PAX8: variants seen among roughly 807,000 people sequenced by gnomAD.
PAX8 encodes the protein paired box protein Pax-8.
Under a neutral mutation model 52.4 loss-of-function variants are expected in PAX8, and 15 were observed. The ratio of observed to expected loss-of-function variants is 0.29; its 90% CI spans 0.19 to 0.44. The LOEUF (loss-of-function observed/expected upper bound fraction) is 0.44, where lower values mean the gene tolerates loss of function less well. Among genes scored for constraint, PAX8 ranks in the 20% least tolerant of loss-of-function variants. PAX8 has a pLI of 1.00. For synonymous variants in PAX8, 284 were observed against 249.7 expected (o/e 1.14, Z -1.29); for missense variants, 554 against 602.5 (o/e 0.92, Z 0.84).
chr2:113,260,300 T>C (rs543154280), intron 2 of PAX8, among the ~76,000 whole-genome samples: 30 of 152,200 alleles, frequency 2.0e-4, no homozygotes, highest in African/African-American at 7.0e-4. Flanking sequence ...TGTGGAGGTG[T>C]GTATATGGGT....
rs556572960 is a variant in PAX8 at position 113,261,600 on chromosome 2, G to A, written c.26-14681C>T. ...TGGCAGAGTTGCAAGGCACACTTCT[G>A]AGAGGATCCTTGACCAGGAAGGAGA... On this transcript the variant is annotated intron_variant, in intron 2 of 11. Coordinates refer to ENST00000429538, the MANE Select transcript of PAX8 (RefSeq NM_003466.4). 2.2e-4 allele frequency among the ~76,000 whole-genome samples: 33 copies of A among 152,330 alleles called. No homozygotes were observed. The South Asian group carries it at 3.9e-3, about 18-fold the overall frequency.
At chr2:113,219,980 C>T (rs1239798825) in intron 11 of PAX8, 112 bp downstream of exon 11, 2 of 714,200 alleles carry the variant, frequency 2.8e-6, no homozygotes, top group Non-Finnish European at 4.9e-6. Flanking sequence ...TCTCCCAGGC[C>T]CTCTGTATAA....
At chr2:113,257,361 A>G (rs1258591349) in intron 2 of PAX8, among the ~76,000 whole-genome samples, 1 of 152,094 alleles carries the variant, frequency 6.6e-6, no homozygotes. Flanking sequence ...TGGGGTGTCT[A>G]TGCTCTTTAA....
intron 2 of PAX8, 152 bp from the exon 3 acceptor site, chr2:113,247,071 T>A (rs1438376125): frequency 2.8e-6 from 2 of 725,700 alleles, no homozygotes; most frequent in African/African-American, 3.5e-5. Context: ...TCTGCACCCC[T>A]TCCCCAGTTC....
intron 10 of PAX8, among the ~76,000 whole-genome samples, chr2:113,222,920 T>C (rs1422438400): frequency 6.6e-6 from 1 of 151,870 alleles, no homozygotes. Flanking sequence ...CAGTCTTCTG[T>C]TTGCTTTGTA....
chr2:113,247,951 C>G lies in PAX8; in HGVS notation c.26-1032G>C, dbSNP rs79384152. 2.0e-5 allele frequency among the ~76,000 whole-genome samples: 3 copies of G among 152,256 alleles called. No individual in the cohort carries two copies. In the East Asian group the frequency reaches 5.8e-4, roughly 29 times the overall value. ...TGGGAACCACTGGAGGGGAACTTGA[C>G]TTGGCTCAAGGAAACACAGAAGGGT... On this transcript the variant is annotated intron_variant, in intron 2 of 11. Transcript: ENST00000429538.
intron 3 of PAX8, among the ~76,000 whole-genome samples, chr2:113,245,124 T>G (rs1691208039): frequency 6.6e-6 from 1 of 151,926 alleles, no homozygotes; most frequent in Non-Finnish European, 1.5e-5. Flanking sequence ...TTGGCTCACT[T>G]CAAACTCTGC....
intron 10 of PAX8, among the ~76,000 whole-genome samples, chr2:113,221,351 G>A (rs755085176): frequency 6.6e-6 from 1 of 152,186 alleles, no homozygotes; most frequent in Non-Finnish European, 1.5e-5. Context: ...ATGTGGTTCT[G>A]AGTCTCCTTC....
intron 10 of PAX8, among the ~76,000 whole-genome samples, chr2:113,223,986 A>G (rs1046788906): frequency 2.6e-5 from 4 of 152,190 alleles, no homozygotes; most frequent in Non-Finnish European, 5.9e-5. Flanking sequence ...GGATGGAAAG[A>G]TGGACAGATA....
intron 2 of PAX8, among the ~76,000 whole-genome samples, chr2:113,248,226 T>C (rs1174994336): frequency 1.3e-5 from 2 of 152,212 alleles, no homozygotes; most frequent in Admixed American, 1.3e-4. Flanking sequence ...AGTGCTCTGA[T>C]TTATATGACT....
At chr2:113,232,363 G>C (rs1038489938) in intron 9 of PAX8, among the ~76,000 whole-genome samples, 1 of 152,204 alleles carries the variant, frequency 6.6e-6, no homozygotes, top group African/African-American at 2.4e-5. Flanking sequence ...ACTCTTTTCA[G>C]AGCCTCTGCC....
At position 113,241,612 on chromosome 2, in the gene PAX8, G is replaced by C. The variant is rs1266130421; in HGVS notation, c.716C>G (p.Pro239Arg). The C allele has an allele frequency of 6.2e-7, 1 of 1,613,620 alleles. No individual in the cohort carries two copies. The highest frequency in any genetic ancestry group is 2.2e-5 in the East Asian group (1 of 44,896). Residue 239 changes from proline to arginine, a missense_variant, in exon 7 of 12, where the codon CCA (proline) becomes CGA (arginine). By Grantham distance (103) the Pro-to-Arg change is moderately radical (BLOSUM62 -2). Around this residue, in one of 2 missense-constraint regions of PAX8, gnomAD observed 445 missense variants for 409.9 expected, o/e 1.09. Transcript: ENST00000429538. Reference sequence around the variant, plus strand: ...CTCTGGGTAGTGCTGCCGCTCAAATGGGCACTCGAGCGGCTCGAGGTGGTG... The same window carrying C: ...CTCTGGGTAGTGCTGCCGCTCAAATCGGCACTCGAGCGGCTCGAGGTGGTG... Reference protein sequence around the residue: ...SQHHLEPLECPFERQHYPEAY... With the variant: ...SQHHLEPLECRFERQHYPEAY...
At chr2:113,266,553 A>C (rs976927734) in intron 2 of PAX8, 2 of 152,208 alleles carry the variant, frequency 1.3e-5, no homozygotes, top group Admixed American at 1.3e-4. Flanking sequence ...ATCATTTCAC[A>C]GAGTGGGGAG....
intron 1 of PAX8, 115 bp from the exon 2 acceptor site, chr2:113,278,584 AT>A: frequency 1.0e-6 from 1 of 1,001,524 alleles, no homozygotes; most frequent in Non-Finnish European, 1.5e-6. Context: ...GAGTAGGAGG[AT>A]TTTTAGGCGA....
At chr2:113,223,223 T>C (rs1369031355) in intron 10 of PAX8, among the ~76,000 whole-genome samples, 2 of 152,144 alleles carry the variant, frequency 1.3e-5, no homozygotes, top group Non-Finnish European at 2.9e-5. Context: ...TGGTCTGCCA[T>C]ATATATACTT....
intron 9 of PAX8, among the ~76,000 whole-genome samples, chr2:113,231,323 G>A (rs919073004): frequency 1.4e-4 from 21 of 152,264 alleles, no homozygotes; most frequent in Non-Finnish European, 2.8e-4. Flanking sequence ...GGACGGCCTC[G>A]ACATTGCTGT....
At chr2:113,242,427 A>G (rs1029264324) in intron 5 of PAX8, among the ~76,000 whole-genome samples, 1 of 152,028 alleles carries the variant, frequency 6.6e-6, no homozygotes, top group Non-Finnish European at 1.5e-5. Context: ...TCCTTCCTCC[A>G]GGGGGCCTCC....
chr2:113,244,693 A>G, intron 3 of PAX8, 69 bp from the exon 4 acceptor site: 1 of 1,425,208 alleles, frequency 7.0e-7, no homozygotes, highest in Non-Finnish European at 9.9e-7. Context: ...GGATTTAGCC[A>G]GAGCCTCCCT....
At chr2:113,278,155 C>T (rs1444295996) in intron 2 of PAX8, among the ~76,000 whole-genome samples, 1 of 152,228 alleles carries the variant, frequency 6.6e-6, no homozygotes, top group Non-Finnish European at 1.5e-5. Context: ...CGAAACCGGG[C>T]AAGGGCGGCT....
Sources: gnomAD v4.1 joint callset for allele counts (sites outside exome capture counted in the v4.1 genomes callset) on GRCh38, gnomAD v4.1.1 for gene constraint, gnomAD v4.1.1 regional missense constraint, MANE v1.5 for transcripts, NCBI Gene and HGNC (gene_info 2026-07-23, HGNC 2026-07-21) for gene names.